ZNF804A: variants seen among roughly 807,000 people sequenced by gnomAD.
ZNF804A encodes the protein zinc finger protein 804A.
In ZNF804A, 2 loss-of-function variants were observed where a neutral mutation model predicts 16.5. The ratio of observed to expected loss-of-function variants is 0.12; its 90% CI spans 0.05 to 0.38. ZNF804A has a LOEUF of 0.38. Among genes scored for constraint, ZNF804A ranks in the 10% least tolerant of loss-of-function variants. ZNF804A has a pLI of 0.99. For synonymous variants in ZNF804A, 534 were observed against 489.6 expected, an observed-to-expected ratio of 1.09 and a Z score of -1.20; for missense variants, 1,473 against 1,390.7, an observed-to-expected ratio of 1.06 and a Z score of -0.94.
At chr2:184,638,603 T>C (rs1691741674) in intron 1 of ZNF804A, among the ~76,000 whole-genome samples, 1 of 152,208 alleles carries the variant, frequency 6.6e-6, no homozygotes, top group Non-Finnish European at 1.5e-5. Flanking sequence ...AGTATATACA[T>C]TTGGCTGCAA....
chr2:184,700,846 G>T (rs571478500), intron 1 of ZNF804A, among the ~76,000 whole-genome samples: 11 of 152,090 alleles, frequency 7.2e-5, no homozygotes, highest in African/African-American at 2.4e-4. Flanking sequence ...ACCCTCCATT[G>T]TTAAGATGAA....
chr2:184,686,285 A>T (rs1035833963), intron 1 of ZNF804A, among the ~76,000 whole-genome samples: 2 of 152,060 alleles, frequency 1.3e-5, no homozygotes, highest in Non-Finnish European at 2.9e-5. Flanking sequence ...CACCTTTTCC[A>T]GCTCTTGCTG....
intron 1 of ZNF804A, among the ~76,000 whole-genome samples, chr2:184,652,567 C>A (rs529950417): frequency 6.6e-6 from 1 of 152,120 alleles, no homozygotes; most frequent in Non-Finnish European, 1.5e-5. Context: ...TTGGCTAATT[C>A]CTAGGGCAGT....
At chr2:184,770,243 C>G (rs1183635702) in intron 1 of ZNF804A, among the ~76,000 whole-genome samples, 1 of 151,970 alleles carries the variant, frequency 6.6e-6, no homozygotes, top group African/African-American at 2.4e-5. Context: ...TTTGGTGCTC[C>G]CCTTTCCTTT....
intron 2 of ZNF804A, among the ~76,000 whole-genome samples, chr2:184,878,553 G>A (rs989754526): frequency 5.3e-5 from 8 of 151,970 alleles, no homozygotes; most frequent in African/African-American, 1.9e-4. Flanking sequence ...AAGAATATTT[G>A]GAAGGAGCAA....
At chr2:184,903,739 A>T (rs1685222678) in intron 2 of ZNF804A, among the ~76,000 whole-genome samples, 1 of 152,130 alleles carries the variant, frequency 6.6e-6, no homozygotes, top group Admixed American at 6.5e-5. Flanking sequence ...ACATATGAAA[A>T]GCAGTACATA....
intron 2 of ZNF804A, among the ~76,000 whole-genome samples, chr2:184,874,721 C>G (rs1159419984): frequency 2.0e-5 from 3 of 152,074 alleles, no homozygotes; most frequent in Admixed American, 1.3e-4. Context: ...ATGTCTCTTT[C>G]TCTTTTATCA....
At chr2:184,924,430 T>G (rs1484931218) in intron 2 of ZNF804A, among the ~76,000 whole-genome samples, 2 of 151,778 alleles carry the variant, frequency 1.3e-5, no homozygotes, top group Non-Finnish European at 2.9e-5. Flanking sequence ...ACATCTCTCA[T>G]TTTATTTGGA....
At chr2:184,842,479 T>C (rs1050839575) in intron 1 of ZNF804A, among the ~76,000 whole-genome samples, 23 of 152,020 alleles carry the variant, frequency 1.5e-4, no homozygotes, top group African/African-American at 5.3e-4. Flanking sequence ...CCTTATTTTG[T>C]CCTCAGCAAG....
chr2:184,656,339 T>C (rs72899915), intron 1 of ZNF804A, among the ~76,000 whole-genome samples: 16,641 of 152,188 alleles, frequency 0.11, 1,182 homozygotes, highest in Non-Finnish European at 0.16. Flanking sequence ...TATAGGAGTG[T>C]TATTACAGTG....
rs776515011 is a variant in ZNF804A, at chr2:184,936,024, C to T, written c.628C>T (p.His210Tyr). The T allele has an allele frequency of 4.3e-6, 7 of 1,613,958 alleles. No homozygotes were observed. Among genetic ancestry groups the T allele is most frequent in the African/African-American group, 1.3e-5 (1 of 74,920 alleles). Residue 210 changes from histidine (H) to tyrosine (Y), a missense_variant, in exon 4 of 4, where the codon CAC (histidine) becomes TAC (tyrosine). Physicochemically the swap from His to Tyr is moderately conservative, Grantham distance 83. Transcript: ENST00000302277. ...VGDQAQGIHRHKIGFSFAFPK... is the reference protein window; with the variant it reads ...VGDQAQGIHRYKIGFSFAFPK... ...GGATCAAGCCCAGGGGATTCACAGACACAAAATCGGCTTTTCTTTTGCATT... is the reference window on the plus strand; with the variant it reads ...GGATCAAGCCCAGGGGATTCACAGATACAAAATCGGCTTTTCTTTTGCATT...
intron 1 of ZNF804A, among the ~76,000 whole-genome samples, chr2:184,786,509 T>C (rs1239759389): frequency 6.6e-6 from 1 of 152,008 alleles, no homozygotes; most frequent in African/African-American, 2.4e-5. Context: ...ATTTCCTCCT[T>C]CGTATAAATT....
intron 1 of ZNF804A, among the ~76,000 whole-genome samples, chr2:184,659,981 T>G (rs1246720214): frequency 6.6e-6 from 1 of 152,160 alleles, no homozygotes; most frequent in Non-Finnish European, 1.5e-5. Flanking sequence ...TGTGGTTTTG[T>G]GTACCCGTAG....
intron 1 of ZNF804A, among the ~76,000 whole-genome samples, chr2:184,803,547 C>T (rs1313082677): frequency 6.6e-6 from 1 of 151,920 alleles, no homozygotes; most frequent in Admixed American, 6.6e-5. Context: ...TGCTAGATAC[C>T]CTGTTGTTGA....
intron 2 of ZNF804A, among the ~76,000 whole-genome samples, chr2:184,911,229 C>G (rs1685351764): frequency 6.6e-6 from 1 of 151,976 alleles, no homozygotes; most frequent in South Asian, 2.1e-4. Context: ...AATAGGGAGT[C>G]CTTTCCCCAT....
intron 1 of ZNF804A, among the ~76,000 whole-genome samples, chr2:184,723,557 T>C (rs564512825): frequency 2.6e-5 from 4 of 151,952 alleles, no homozygotes; most frequent in South Asian, 4.1e-4. Flanking sequence ...CATTATTTTA[T>C]AGGAACACCA....
intron 1 of ZNF804A, among the ~76,000 whole-genome samples, chr2:184,800,799 T>C (rs1163161567): frequency 6.6e-6 from 1 of 152,068 alleles, no homozygotes; most frequent in Admixed American, 6.6e-5. Context: ...GTTCATTTTA[T>C]TTATTTATAA....
chr2:184,913,941 A>G (rs1298758163), intron 2 of ZNF804A, among the ~76,000 whole-genome samples: 1 of 152,174 alleles, frequency 6.6e-6, no homozygotes, highest in Admixed American at 6.5e-5. Flanking sequence ...GTTTCCGTTC[A>G]GATTCCTCAG....
intron 1 of ZNF804A, among the ~76,000 whole-genome samples, chr2:184,763,074 TA>T (rs1317333956): frequency 6.6e-6 from 1 of 152,188 alleles, no homozygotes. Flanking sequence ...TCATTTCTTC[TA>T]CCTAAATATT....
Sources: allele counts gnomAD v4.1 joint callset (sites outside exome capture counted in the v4.1 genomes callset), GRCh38; gene constraint gnomAD v4.1.1; transcripts MANE v1.5; gene names NCBI Gene and HGNC (gene_info 2026-07-23, HGNC 2026-07-21).